Variants in MFN1 observed in about 807,000 individuals in gnomAD.
MFN1 encodes the protein mitofusin-1.
In MFN1, 65 loss-of-function variants were observed where a neutral mutation model predicts 92.4. The ratio of observed to expected loss-of-function variants is 0.70; its 90% confidence interval spans 0.58 to 0.86. The LOEUF (loss-of-function observed/expected upper bound fraction) is 0.86. Among genes scored for constraint, MFN1 ranks in the 40% least tolerant of loss-of-function variants. The probability of loss-of-function intolerance (pLI) is 0.00; values close to 1 mark genes in which losing one functional copy is unlikely to be tolerated. For missense variants in MFN1, 781 were observed against 868.0 expected, an observed-to-expected ratio of 0.90 and a Z score of 1.26; for synonymous variants, 297 against 300.9, an observed-to-expected ratio of 0.99 and a Z score of 0.13.
At chr3:179,380,117 C>T (rs149864836) in intron 14 of MFN1, among the ~76,000 whole-genome samples, 2 of 152,134 alleles carry the variant, frequency 1.3e-5, no homozygotes, top group African/African-American at 2.4e-5. Context: ...GGTAAGATAG[C>T]ATTAACTTTT....
intron 2 of MFN1, among the ~76,000 whole-genome samples, chr3:179,350,570 T>G (rs1712106607): frequency 6.6e-6 from 1 of 152,188 alleles, no homozygotes. Context: ...GAATCTGAAT[T>G]CAGTTGTACA....
At chr3:179,379,572 T>C (rs1487537786) in intron 14 of MFN1, among the ~76,000 whole-genome samples, 1 of 152,194 alleles carries the variant, frequency 6.6e-6, no homozygotes, top group Non-Finnish European at 1.5e-5. Context: ...CAGACTGGTC[T>C]CGAACTCCTG....
intron 9 of MFN1, among the ~76,000 whole-genome samples, chr3:179,369,947 T>G (rs1712956543): frequency 6.6e-6 from 1 of 152,198 alleles, no homozygotes; most frequent in East Asian, 1.9e-4. Context: ...CTTTAGAGTT[T>G]GAAAATTTTA....
intron 3 of MFN1, among the ~76,000 whole-genome samples, chr3:179,355,587 A>G (rs1295302967): frequency 6.6e-6 from 1 of 152,180 alleles, no homozygotes; most frequent in Non-Finnish European, 1.5e-5. Flanking sequence ...AGTTGATGAG[A>G]TGATCCAGGG....
At chr3:179,355,525 A>G (rs76086530) in intron 3 of MFN1, among the ~76,000 whole-genome samples, 3,976 of 152,302 alleles carry the variant, frequency 0.026, 191 homozygotes, top group African/African-American at 0.091. Flanking sequence ...ACTAGGGAGA[A>G]TTCTAGGAAA....
At chr3:179,372,230 T>C (rs1713052638) in intron 9 of MFN1, among the ~76,000 whole-genome samples, 1 of 150,974 alleles carries the variant, frequency 6.6e-6, no homozygotes, top group African/African-American at 2.4e-5. Context: ...AGATGAAAGG[T>C]CTATTTCTTG....
intron 17 of MFN1, among the ~76,000 whole-genome samples, chr3:179,391,455 T>C (rs1360128070): frequency 6.6e-6 from 1 of 152,200 alleles, no homozygotes; most frequent in African/African-American, 2.4e-5. Context: ...GCAGGAGAGC[T>C]ACCTCAAGAA....
rs759465265 is a variant in MFN1 at position 179,352,014 on chromosome 3, T to A, written c.227T>A (p.Met76Lys). ...IIGEVLSRRHMKVAFFGRTSS... is the reference protein window; with the variant it reads ...IIGEVLSRRHKKVAFFGRTSS... The stretch of plus-strand genomic sequence containing the variant: ...GGTGAGGTGCTATCTCGGAGACACA[T>A]GAAGGTGGCATTTTTTGGCAGGTAA... Residue 76 changes from methionine to lysine, a missense_variant, in exon 3 of 18, where the codon ATG (methionine) becomes AAG (lysine). By Grantham distance (95) the Met-to-Lys change is moderately conservative. Transcript: ENST00000471841. 1.3e-6 allele frequency: 2 copies of A among 1,595,708 alleles called. No individual in the cohort carries two copies. Among genetic ancestry groups the A allele is most frequent in the Admixed American group, 3.4e-5 (2 of 59,454 alleles).
chr3:179,386,978 C>T (rs1713710635), intron 16 of MFN1, among the ~76,000 whole-genome samples: 1 of 152,026 alleles, frequency 6.6e-6, no homozygotes, highest in African/African-American at 2.4e-5. Flanking sequence ...AGGGCAGTGG[C>T]ACAATCTGGC....
At chr3:179,377,662 A>C (rs974192110) in intron 12 of MFN1, among the ~76,000 whole-genome samples, 3 of 152,228 alleles carry the variant, frequency 2.0e-5, no homozygotes, top group Non-Finnish European at 2.9e-5. Flanking sequence ...GACGAGGCAC[A>C]GTGGCTCATG....
chr3:179,380,592 T>C (rs1279363362), intron 14 of MFN1, among the ~76,000 whole-genome samples: 4 of 152,252 alleles, frequency 2.6e-5, no homozygotes, highest in Admixed American at 6.5e-5. Flanking sequence ...TTGACAACTA[T>C]TCTGCTCATC....
intron 9 of MFN1, 71 bp downstream of exon 9, chr3:179,368,174 T>C: frequency 8.5e-7 from 1 of 1,176,608 alleles, no homozygotes; most frequent in South Asian, 2.1e-5. Context: ...AATCTTCTAT[T>C]TTTATCCTTT....
chr3:179,354,422 T>C (rs761014596), intron 3 of MFN1, among the ~76,000 whole-genome samples: 3 of 152,170 alleles, frequency 2.0e-5, no homozygotes, highest in Admixed American at 6.5e-5. Context: ...TTTTGGAAAA[T>C]AGTCCTGAGA....
intron 3 of MFN1, among the ~76,000 whole-genome samples, chr3:179,353,532 GTCTT>G (rs1239692570): frequency 6.6e-6 from 1 of 152,134 alleles, no homozygotes; most frequent in Non-Finnish European, 1.5e-5. Context: ...TTTCTTTAGT[GTCTT>G]TCTTAAGTTT....
intron 10 of MFN1, 144 bp downstream of exon 10, chr3:179,375,485 T>G: frequency 2.1e-6 from 2 of 955,540 alleles, no homozygotes; most frequent in Non-Finnish European, 3.1e-6. Context: ...CTTCTATATT[T>G]TTAAGTGCGT....
At chr3:179,370,389 G>GTT (rs1354406941) in intron 9 of MFN1, among the ~76,000 whole-genome samples, 1 of 96,774 alleles carries the variant, frequency 1.0e-5, no homozygotes, top group Non-Finnish European at 2.1e-5. Flanking sequence ...CATTCACTAA[G>GTT]TTCTTTTTTT....
chr3:179,389,233 T>G (rs1217936160), intron 16 of MFN1, among the ~76,000 whole-genome samples: 1 of 152,206 alleles, frequency 6.6e-6, no homozygotes, highest in Non-Finnish European at 1.5e-5. Flanking sequence ...TTCATCTAGT[T>G]AAGATACTTG....
rs1011241894 is a variant in MFN1, at chr3:179,377,511, A to T, written c.1329+63A>T. 3 of 1,014,474 alleles carry T rather than the reference A, an allele frequency of 3.0e-6. No homozygotes were observed. In the African/African-American group the frequency reaches 4.9e-5, roughly 17 times the overall value. The allele number at this position is 1,014,474 out of a possible 1,614,324, so 62.8% of individuals were successfully genotyped here. On this transcript the variant is annotated intron_variant, in intron 12 of 17. Coordinates refer to ENST00000471841, the MANE Select transcript of MFN1 (RefSeq NM_033540.3). ...TTCTTATTATTCTATACCCTCATTT[A>T]TTTCATGGTTTGGCATTTCAGTGTA...
At chr3:179,375,758 GTGTT>G in intron 10 of MFN1, among the ~76,000 whole-genome samples, 1 of 152,248 alleles carries the variant, frequency 6.6e-6, no homozygotes, top group East Asian at 1.9e-4. Flanking sequence ...TATACTAGTT[GTGTT>G]TGTTTATTGC....
Sources: allele counts gnomAD v4.1 joint callset (sites outside exome capture counted in the v4.1 genomes callset), GRCh38; gene constraint gnomAD v4.1.1; transcripts MANE v1.5; gene names NCBI Gene and HGNC (gene_info 2026-07-23, HGNC 2026-07-21).